Variants in SH3BP4 observed in about 807,000 individuals in gnomAD.
SH3BP4 encodes SH3 domain binding protein 4.
SH3BP4 carries 33 observed loss-of-function variants against 65.5 expected under a neutral mutation model. That is an observed-to-expected ratio of 0.50 (90% CI 0.38 to 0.67). SH3BP4 has a LOEUF of 0.67. SH3BP4 is among the 30% of genes least tolerant of loss of function. SH3BP4 has a pLI of 0.00. For synonymous variants in SH3BP4, 552 were observed against 545.5 expected, an observed-to-expected ratio of 1.01 and a Z score of -0.17; for missense variants, 1,134 against 1,261.4, an observed-to-expected ratio of 0.90 and a Z score of 1.53.
chr2:234,966,467 T>C (rs1453596527), intron 1 of SH3BP4, among the ~76,000 whole-genome samples: 1 of 152,224 alleles, frequency 6.6e-6, no homozygotes, highest in East Asian at 1.9e-4. Flanking sequence ...TTCACTTTCT[T>C]AATCCTCAGG....
At chr2:235,021,384 C>T (rs551047793) in intron 2 of SH3BP4, among the ~76,000 whole-genome samples, 8 of 151,964 alleles carry the variant, frequency 5.3e-5, no homozygotes, top group Admixed American at 3.3e-4. Context: ...GAGGCTGAGG[C>T]ATGTGGATCA....
At position 235,045,617 on chromosome 2, in the gene SH3BP4, G is replaced by GC. The variant is rs1165294821; in HGVS notation, c.2478+2376dup. Reference sequence around the variant, plus strand: ...AACTGGTTTTGCAGTGTCCCCACCCGCCCCCCACACCTGTGTCAGTCATCA... The same window carrying GC: ...AACTGGTTTTGCAGTGTCCCCACCCGCCCCCCCACACCTGTGTCAGTCATCA... On this transcript the variant is annotated intron_variant, in intron 4 of 5. Coordinates refer to ENST00000392011, the MANE Select transcript of SH3BP4 (RefSeq NM_014521.3). This position sits in a 1 kb window ranked among gnomAD's most constrained non-coding sequence, Gnocchi z 4.3. Among the ~76,000 whole-genome samples, 343 of 140,490 alleles carry GC rather than the reference G, an allele frequency of 2.4e-3. 3 individuals are homozygous for GC. The highest frequency in any genetic ancestry group is 3.6e-3 in the Middle Eastern group (1 of 280). The allele number at this position is 140,490 out of a possible 152,430, so 92.2% of individuals were successfully genotyped here. A position where few individuals can be genotyped will look rare whatever the true frequency, so the allele number is the denominator to read the frequency against.
chr2:235,001,379 G>C (rs926329156), intron 2 of SH3BP4, among the ~76,000 whole-genome samples: 2 of 152,286 alleles, frequency 1.3e-5, no homozygotes, highest in South Asian at 2.1e-4. Flanking sequence ...CTGGAGGAAG[G>C]CCTAAGACAA....
rs557656584 is a variant in SH3BP4 at position 235,047,123 on chromosome 2, C to T, written c.2478+3876C>T. 5.3e-5 allele frequency among the ~76,000 whole-genome samples: 8 copies of T among 152,276 alleles called. 1 individual carries two copies. Among genetic ancestry groups the T allele is most frequent in the African/African-American group, 1.7e-4 (7 of 41,550 alleles). On this transcript the variant is annotated intron_variant, in intron 4 of 5. Transcript: ENST00000392011. ...TCTGACAGGTTGGGAAGCAGAGCCT[C>T]CTGCCAGAAGCCAAAAACAGACACT...
chr2:235,012,724 G>A (rs532812935), intron 2 of SH3BP4, among the ~76,000 whole-genome samples: 22 of 152,242 alleles, frequency 1.4e-4, no homozygotes, highest in Non-Finnish European at 2.2e-4. Context: ...CCTAAAATGC[G>A]TTTCCATCTC....
intron 2 of SH3BP4, among the ~76,000 whole-genome samples, chr2:235,009,908 C>G (rs1267525470): frequency 6.6e-6 from 1 of 152,144 alleles, no homozygotes; most frequent in Non-Finnish European, 1.5e-5. Context: ...CCCCCAGGAC[C>G]TTCCTCTTGC....
At chr2:234,962,145 G>A (rs1159240061) in intron 1 of SH3BP4, among the ~76,000 whole-genome samples, 1 of 152,088 alleles carries the variant, frequency 6.6e-6, no homozygotes, top group African/African-American at 2.4e-5. Flanking sequence ...TTCAGCTTTT[G>A]GTTTTTTTGG....
In SH3BP4 at chr2:235,042,882, G is replaced by A. The variant is rs141861966; in HGVS notation, c.2113G>A (p.Gly705Ser). The stretch of plus-strand genomic sequence containing the variant: ...GCTGTGGACCAAGGAGTGGTACATC[G>A]GCTACTACCAGGGCAGGGTGGGCCT... ...GQLWTKEWYI[G>S]YYQGRVGLVH... The change falls in exon 4 of 6, where the codon GGC becomes AGC. Residue 705 changes from glycine to serine, a missense_variant. Transcript: ENST00000392011. The surrounding 1 kb of genome is among the most constrained non-coding windows in gnomAD (Gnocchi z 7.3). The A allele has an allele frequency of 1.2e-5, 20 of 1,613,438 alleles. No individual in the cohort carries two copies. Among genetic ancestry groups the A allele is most frequent in the South Asian group, 4.4e-5 (4 of 91,082 alleles).
intron 2 of SH3BP4, among the ~76,000 whole-genome samples, chr2:235,019,842 C>G (rs903262063): frequency 5.5e-4 from 73 of 133,406 alleles, no homozygotes; most frequent in Admixed American, 8.1e-5. Flanking sequence ...GATCTGAGGC[C>G]AGAGTTCCCA....
At chr2:235,038,656 A>G (rs1348099940) in intron 3 of SH3BP4, among the ~76,000 whole-genome samples, 1 of 151,864 alleles carries the variant, frequency 6.6e-6, no homozygotes, top group Non-Finnish European at 1.5e-5. Flanking sequence ...AAGTGTCATG[A>G]GCTGGAGGAC....
intron 2 of SH3BP4, among the ~76,000 whole-genome samples, chr2:235,024,378 G>A (rs1408413563): frequency 6.6e-6 from 1 of 152,144 alleles, no homozygotes; most frequent in Non-Finnish European, 1.5e-5. Context: ...AGATCCACTG[G>A]GTGGGCTTTG....
At chr2:235,043,350 A>G in intron 4 of SH3BP4, 103 bp downstream of exon 4, 1 of 856,984 alleles carries the variant, frequency 1.2e-6, no homozygotes, top group Non-Finnish European at 1.8e-6. Context: ...GTAAGTCACC[A>G]GGACAGTGTC....
chr2:235,011,576 C>A (rs1031193204), intron 2 of SH3BP4, among the ~76,000 whole-genome samples: 4 of 152,236 alleles, frequency 2.6e-5, no homozygotes, highest in Non-Finnish European at 4.4e-5. Context: ...ATCGTAGTCT[C>A]TATGATAGCT....
At chr2:235,020,670 C>T (rs762575861) in intron 2 of SH3BP4, among the ~76,000 whole-genome samples, 1 of 152,116 alleles carries the variant, frequency 6.6e-6, no homozygotes, top group Non-Finnish European at 1.5e-5. Context: ...AGTCCTCTTC[C>T]GACTACTGCT....
In SH3BP4 at chr2:235,052,597, C is replaced by G. The variant is rs1402646044; in HGVS notation, c.2514C>G (p.Val838=). ...AGATGGACTGCCAGGGCCTGGTGGT[C>G]AGACTCATCCAGGACTTTGTGCTCC... is the stretch of plus-strand genomic sequence containing the variant. ...LLKMDCQGLV[V]RLIQDFVLLT... The change falls in exon 5 of 6, where the codon GTC becomes GTG. Residue 838 remains valine (V), a synonymous_variant. Coordinates refer to ENST00000392011, the MANE Select transcript of SH3BP4 (RefSeq NM_014521.3). The surrounding 1 kb of genome is among the most constrained non-coding windows in gnomAD (Gnocchi z 5.0). The G allele has an allele frequency of 1.3e-6, 2 of 1,554,566 alleles. No individual in the cohort carries two copies. The highest frequency in any genetic ancestry group is 1.2e-5 in the South Asian group (1 of 84,108).
Position 235,041,573 on chromosome 2 carries a change from C to A in SH3BP4, c.804C>A (p.Gly268=), listed in dbSNP as rs1369531437. The A allele has an allele frequency of 6.2e-7, 1 of 1,614,096 alleles. No individual in the cohort carries two copies. Among genetic ancestry groups the A allele is most frequent in the Non-Finnish European group, 8.5e-7 (1 of 1,180,040 alleles). Residue 268 remains glycine (G), a synonymous_variant, in exon 4 of 6, where the codon GGC becomes GGA. Coordinates refer to ENST00000392011, the MANE Select transcript of SH3BP4 (RefSeq NM_014521.3). This position sits in a 1 kb window ranked among gnomAD's most constrained non-coding sequence, Gnocchi z 6.0. ...CCACATCGTCGAGTTTCTTCACCGG[C>A]TTGAAATCACCTGCCCCCGAGCAAT... ...DAPTSSSFFT[G]LKSPAPEQFQ... is the part of the protein sequence containing the mutation.
intron 4 of SH3BP4, among the ~76,000 whole-genome samples, chr2:235,050,900 GC>G (rs1478461353): frequency 1.3e-5 from 2 of 152,140 alleles, no homozygotes; most frequent in Non-Finnish European, 2.9e-5. Flanking sequence ...AACCTCAGGT[GC>G]TGAAACAGAG....
At chr2:235,008,233 C>T (rs868354991) in intron 2 of SH3BP4, among the ~76,000 whole-genome samples, 3 of 152,242 alleles carry the variant, frequency 2.0e-5, no homozygotes, top group Middle Eastern at 3.4e-3. Flanking sequence ...CTGTTTGCCA[C>T]CCTGACCTCC....
At chr2:235,053,568 GT>G in intron 5 of SH3BP4, 23 bp from the exon 6 acceptor site, 1 of 1,591,826 alleles carries the variant, frequency 6.3e-7, no homozygotes, top group Non-Finnish European at 8.6e-7. Context: ...CCCTCCTTTT[GT>G]TTTTTACAAC....
Sources: allele counts gnomAD v4.1 joint callset (sites outside exome capture counted in the v4.1 genomes callset), GRCh38; gene constraint gnomAD v4.1.1; non-coding constraint Gnocchi (gnomAD v3.1); transcripts MANE v1.5; gene names NCBI Gene and HGNC (gene_info 2026-07-23, HGNC 2026-07-21).